The following CTNNA3 variants were observed in gnomAD, a reference collection of about 807,000 sequenced individuals.
CTNNA3 encodes catenin alpha 3.
CTNNA3 carries 76 observed loss-of-function variants against 95.7 expected under a neutral mutation model. The observed-to-expected ratio is 0.79, with a 90% CI of 0.66 to 0.96. CTNNA3 has a LOEUF of 0.96. Ranked by LOEUF, CTNNA3 falls within the 40% of genes least tolerant of loss-of-function variation. CTNNA3 has a pLI of 0.00. For synonymous variants in CTNNA3, 431 were observed against 374.4 expected, an observed-to-expected ratio of 1.15 and a Z score of -1.74; for missense variants, 1,191 against 1,089.8, an observed-to-expected ratio of 1.09 and a Z score of -1.31.
At chr10:66,354,807 A>T (rs1315572311) in intron 12 of CTNNA3, among the ~76,000 whole-genome samples, 1 of 152,068 alleles carries the variant, frequency 6.6e-6, no homozygotes, top group Non-Finnish European at 1.5e-5. Flanking sequence ...CATACTTTGT[A>T]CATCATAGCA....
chr10:66,966,610 A>C (rs1053093148), intron 7 of CTNNA3, among the ~76,000 whole-genome samples: 2 of 152,064 alleles, frequency 1.3e-5, no homozygotes, highest in African/African-American at 4.8e-5. Flanking sequence ...AATTTAATAG[A>C]TCATACACCT....
chr10:67,657,741 G>A (rs532700722), intron 1 of CTNNA3, among the ~76,000 whole-genome samples: 34 of 151,560 alleles, frequency 2.2e-4, no homozygotes, highest in Admixed American at 2.2e-3. Context: ...CAGCTACTCG[G>A]GAGGCTGAGG....
At chr10:66,297,441 T>G (rs2091797052) in intron 12 of CTNNA3, among the ~76,000 whole-genome samples, 2 of 152,124 alleles carry the variant, frequency 1.3e-5, no homozygotes, top group Admixed American at 6.5e-5. Flanking sequence ...TAATCATATA[T>G]TTTCAAAAAG....
At chr10:66,604,589 C>T (rs915499837) in intron 10 of CTNNA3, among the ~76,000 whole-genome samples, 2 of 152,072 alleles carry the variant, frequency 1.3e-5, no homozygotes, top group Non-Finnish European at 2.9e-5. Flanking sequence ...ACCTCGGCCC[C>T]CTAGTGTAGC....
In CTNNA3 at chr10:66,689,810, A is replaced by G. The variant is rs151148517; in HGVS notation, c.1282-68026T>C. 1.6e-3 allele frequency among the ~76,000 whole-genome samples: 244 copies of G among 152,304 alleles called. 2 individuals are homozygous for G. Among genetic ancestry groups the G allele is most frequent in the African/African-American group, 5.6e-3 (231 of 41,578 alleles). ...CAATAAAGGAGAATGCAGTAAGACTACAAGGGAGAGAGGGGGAAAATGAGA... is the reference window on the plus strand; with the variant it reads ...CAATAAAGGAGAATGCAGTAAGACTGCAAGGGAGAGAGGGGGAAAATGAGA... On this transcript the variant is annotated intron_variant, in intron 9 of 17. Coordinates refer to ENST00000433211, the MANE Select transcript of CTNNA3 (RefSeq NM_013266.4).
chr10:67,112,851 C>T (rs1361096070), intron 7 of CTNNA3, among the ~76,000 whole-genome samples: 1 of 150,690 alleles, frequency 6.6e-6, no homozygotes, highest in East Asian at 1.9e-4. Context: ...TTGAGAAATA[C>T]ATCCATCACA....
chr10:67,562,027 C>T (rs1468020364), intron 3 of CTNNA3, among the ~76,000 whole-genome samples: 6 of 152,124 alleles, frequency 3.9e-5, no homozygotes, highest in Non-Finnish European at 8.8e-5. Flanking sequence ...AGTCCAGGAC[C>T]AGATGGATTC....
intron 13 of CTNNA3, among the ~76,000 whole-genome samples, chr10:66,147,992 T>C (rs992132347): frequency 6.6e-6 from 1 of 151,630 alleles, no homozygotes; most frequent in African/African-American, 2.4e-5. Context: ...CCATTTTTGT[T>C]CTTCTGAAGG....
At chr10:67,162,868 G>A (rs529991216) in intron 7 of CTNNA3, among the ~76,000 whole-genome samples, 18 of 152,078 alleles carry the variant, frequency 1.2e-4, no homozygotes, top group Admixed American at 3.9e-4. Flanking sequence ...ACTTTAACAT[G>A]TAAGTTTGAC....
At chr10:67,574,577 C>CTT (rs11288654) in intron 3 of CTNNA3, among the ~76,000 whole-genome samples, 44 of 116,226 alleles carry the variant, frequency 3.8e-4, no homozygotes, top group Admixed American at 6.0e-4. Context: ...AGGTTGTTAA[C>CTT]TTTTTTTTTT....
At chr10:67,103,445 A>G (rs1335861312) in intron 7 of CTNNA3, among the ~76,000 whole-genome samples, 1 of 151,868 alleles carries the variant, frequency 6.6e-6, no homozygotes, top group East Asian at 1.9e-4. Flanking sequence ...AGTTGCACCC[A>G]TGAATATAAC....
chr10:66,553,517 C>CTTTTTTTTTTTTTT (rs753973882), intron 10 of CTNNA3, among the ~76,000 whole-genome samples: 1 of 52,216 alleles, frequency 1.9e-5, no homozygotes, highest in Non-Finnish European at 3.1e-5. Flanking sequence ...CAATACTTTT[C>CTTTTTTTTTTTTTT]TTTTTTTTTT....
rs560248129 is a variant in CTNNA3, at chr10:67,350,444, A to G, written c.580-130574T>C. On this transcript the variant is annotated intron_variant, in intron 5 of 17. Coordinates refer to ENST00000433211, the MANE Select transcript of CTNNA3 (RefSeq NM_013266.4). ...TCCACAATAATATTTATACTTTCTC[A>G]TAGCACTAGTGTGTTTCCTTAATAA... Among the ~76,000 whole-genome samples the G allele has an allele frequency of 9.2e-5, 14 of 152,204 alleles. No homozygotes were observed. The South Asian group carries it at 2.7e-3, about 29-fold the overall frequency.
intron 4 of CTNNA3, among the ~76,000 whole-genome samples, chr10:67,532,059 G>A (rs1379340714): frequency 3.3e-5 from 5 of 152,150 alleles, no homozygotes; most frequent in African/African-American, 7.2e-5. Context: ...ATGTGGAACT[G>A]TAAGTCCATT....
At chr10:67,117,734 T>C (rs779049713) in intron 7 of CTNNA3, among the ~76,000 whole-genome samples, 6 of 152,044 alleles carry the variant, frequency 3.9e-5, no homozygotes, top group Non-Finnish European at 7.4e-5. Flanking sequence ...ATTTGAAATG[T>C]CTTGGTTTGA....
chr10:67,272,214 C>T (rs1272176716), intron 5 of CTNNA3, among the ~76,000 whole-genome samples: 2 of 152,144 alleles, frequency 1.3e-5, no homozygotes, highest in African/African-American at 4.8e-5. Context: ...TGGTTCCAAA[C>T]TCAACCCAAC....
At chr10:67,316,688 C>T (rs1442907708) in intron 5 of CTNNA3, among the ~76,000 whole-genome samples, 1 of 152,084 alleles carries the variant, frequency 6.6e-6, no homozygotes, top group Admixed American at 6.5e-5. Context: ...AGCAACCACC[C>T]TAAAGATGAC....
chr10:66,799,096 TGATCTGCCAGTGAC>T, intron 7 of CTNNA3, among the ~76,000 whole-genome samples: 1 of 151,610 alleles, frequency 6.6e-6, no homozygotes, highest in Non-Finnish European at 1.5e-5. Flanking sequence ...AGAATCAAAA[TGATCTGCCAGTGAC>T]TTAATTCACT....
intron 5 of CTNNA3, among the ~76,000 whole-genome samples, chr10:67,507,544 A>G (rs536353359): frequency 6.6e-6 from 1 of 152,028 alleles, no homozygotes; most frequent in East Asian, 1.9e-4. Context: ...CAAAAAAAAA[A>G]GGAAAGAAAC....
Sources: allele counts gnomAD v4.1 joint callset (sites outside exome capture counted in the v4.1 genomes callset), GRCh38; gene constraint gnomAD v4.1.1; transcripts MANE v1.5; gene names NCBI Gene and HGNC (gene_info 2026-07-23, HGNC 2026-07-21).